Variants in RARS2 observed in about 807,000 individuals in gnomAD.
The protein encoded by RARS2 is arginyl-tRNA synthetase 2, mitochondrial.
RARS2 carries 67 observed loss-of-function variants against 88.5 expected under a neutral mutation model. That is an observed-to-expected ratio of 0.76 (90% CI 0.62 to 0.93). RARS2 has a LOEUF of 0.93. Among genes scored for constraint, RARS2 ranks in the 40% least tolerant of loss-of-function variants. The pLI, the probability that RARS2 is intolerant of heterozygous loss-of-function variation, is 0.00. For synonymous variants in RARS2, 239 were observed against 230.3 expected, an observed-to-expected ratio of 1.04 and a Z score of -0.34; for missense variants, 664 against 684.2, an observed-to-expected ratio of 0.97 and a Z score of 0.33.
rs1479190877 is a variant in RARS2, at chr6:87,564,129, C to T, written c.213+1G>A. ...AAAAAGAGATAATAGTGCTAACGTA[C>T]CTTCTCTGCTAGTCTCTTGGCTTGA... is the stretch of plus-strand genomic sequence containing the variant. On this transcript the variant is annotated splice_donor_variant, in intron 3 of 19. Transcript: ENST00000369536. LOFTEE classifies it high-confidence loss of function. The T allele has an allele frequency of 6.3e-7, 1 of 1,595,874 alleles. No homozygotes were observed. Among genetic ancestry groups the T allele is most frequent in the Non-Finnish European group, 8.6e-7 (1 of 1,163,570 alleles).
rs181611913 is a variant in RARS2, at chr6:87,573,988, T to C, written c.37-4398A>G. On this transcript the variant is annotated intron_variant, in intron 1 of 19. Coordinates refer to ENST00000369536, the MANE Select transcript of RARS2 (RefSeq NM_020320.5). The stretch of plus-strand genomic sequence containing the variant: ...TCATGTATCAGAAGTCAGAGATGAA[T>C]TAACAATTCTCATTAACACCCCAAA... Among the ~76,000 whole-genome samples the C allele has an allele frequency of 6.6e-4, 100 of 152,302 alleles. 1 individual carries two copies. The highest frequency in any genetic ancestry group is 2.4e-3 in the African/African-American group (99 of 41,568).
chr6:87,557,321 G>A (rs1482289394), intron 4 of RARS2, among the ~76,000 whole-genome samples: 1 of 152,170 alleles, frequency 6.6e-6, no homozygotes, highest in Non-Finnish European at 1.5e-5. Context: ...ACAGAATAGT[G>A]TCTGTCGTAA....
chr6:87,545,477 C>T, intron 7 of RARS2, 139 bp downstream of exon 7: 2 of 997,426 alleles, frequency 2.0e-6, no homozygotes, highest in South Asian at 1.6e-5. Context: ...TGCAAAAGAG[C>T]CATTAGGGAA....
intron 1 of RARS2, among the ~76,000 whole-genome samples, chr6:87,587,367 C>T (rs996126862): frequency 2.6e-5 from 4 of 152,126 alleles, no homozygotes; most frequent in Non-Finnish European, 5.9e-5. Flanking sequence ...GCTCTTTTTT[C>T]CCCATGTCCT....
chr6:87,589,860 G>T (rs565732833), intron 1 of RARS2, 62 bp downstream of exon 1: 1 of 1,614,038 alleles, frequency 6.2e-7, no homozygotes, highest in East Asian at 2.2e-5. Context: ...GCCCGCAGCG[G>T]TGAAAGGCCT....
intron 8 of RARS2, among the ~76,000 whole-genome samples, 179 bp from the exon 9 acceptor site, chr6:87,531,121 C>T (rs1300840944): frequency 1.3e-5 from 2 of 152,032 alleles, no homozygotes; most frequent in Non-Finnish European, 2.9e-5. Flanking sequence ...CATATAGACC[C>T]CTTCTCAAAA....
At chr6:87,570,272 C>T (rs886623212) in intron 1 of RARS2, among the ~76,000 whole-genome samples, 1 of 151,936 alleles carries the variant, frequency 6.6e-6, no homozygotes, top group Non-Finnish European at 1.5e-5. Context: ...CCCCAAAGTA[C>T]TGGGATTATA....
At chr6:87,519,023 T>A in intron 14 of RARS2, 132 bp from the exon 15 acceptor site, 1 of 875,356 alleles carries the variant, frequency 1.1e-6, no homozygotes, top group Non-Finnish European at 1.9e-6. Context: ...ATTACTTGCC[T>A]AATTTAGGCT....
At chr6:87,538,662 T>G (rs1320333592) in intron 8 of RARS2, among the ~76,000 whole-genome samples, 1 of 152,090 alleles carries the variant, frequency 6.6e-6, no homozygotes, top group African/African-American at 2.4e-5. Flanking sequence ...TTTGGGAGGC[T>G]GAGGTGGGAG....
intron 7 of RARS2, among the ~76,000 whole-genome samples, chr6:87,542,751 A>T (rs1423311220): frequency 6.6e-6 from 1 of 150,550 alleles, no homozygotes; most frequent in Non-Finnish European, 1.5e-5. Flanking sequence ...GACTCAAGAT[A>T]TTCTGCATAA....
intron 1 of RARS2, among the ~76,000 whole-genome samples, chr6:87,572,097 GAAA>G (rs11327593): frequency 3.5e-5 from 5 of 142,952 alleles, no homozygotes; most frequent in Admixed American, 1.4e-4. Context: ...TAATTTCTCA[GAAA>G]AAAAAAAAAA....
intron 11 of RARS2, among the ~76,000 whole-genome samples, chr6:87,523,059 A>G (rs1313671283): frequency 2.6e-5 from 4 of 152,224 alleles, no homozygotes; most frequent in Non-Finnish European, 5.9e-5. Context: ...ATAATTTTTA[A>G]AATGTTGAGA....
chr6:87,529,485 T>A, intron 10 of RARS2, 57 bp downstream of exon 10: 1 of 1,109,752 alleles, frequency 9.0e-7, no homozygotes, highest in Non-Finnish European at 1.4e-6. Context: ...AAAGGATACA[T>A]CAATAACAAT....
intron 1 of RARS2, among the ~76,000 whole-genome samples, chr6:87,576,983 TAAAG>T (rs1054672437): frequency 6.6e-6 from 1 of 152,222 alleles, no homozygotes; most frequent in Non-Finnish European, 1.5e-5. Flanking sequence ...ATTCATTCGA[TAAAG>T]AAGTTGCAAA....
chr6:87,557,973 C>T (rs1306613756), intron 4 of RARS2, among the ~76,000 whole-genome samples: 1 of 152,068 alleles, frequency 6.6e-6, no homozygotes, highest in Non-Finnish European at 1.5e-5. Context: ...GACAGGAGTT[C>T]AAGACCAGCC....
chr6:87,541,383 C>T (rs1054518302), intron 8 of RARS2, among the ~76,000 whole-genome samples: 1 of 152,294 alleles, frequency 6.6e-6, no homozygotes, highest in South Asian at 2.1e-4. Context: ...CATTATGTTG[C>T]CCAAACTGGT....
intron 1 of RARS2, among the ~76,000 whole-genome samples, chr6:87,579,527 C>T (rs1256103930): frequency 2.0e-5 from 3 of 151,970 alleles, no homozygotes; most frequent in Non-Finnish European, 4.4e-5. Flanking sequence ...TCAGGTGATT[C>T]AAGTCTGCAG....
In RARS2 at chr6:87,580,246, T is replaced by A. The variant is rs150211242; in HGVS notation, c.36+9676A>T. ...CCTGGCATTGGGCTTCATCTAGGAC[T>A]AGCACAAGCGAAAAGAAGGTCTACT... On this transcript the variant is annotated intron_variant, in intron 1 of 19. Transcript: ENST00000369536. 1.9e-3 allele frequency among the ~76,000 whole-genome samples: 285 copies of A among 152,244 alleles called. 2 individuals carry two copies. In the East Asian group the frequency reaches 0.02, roughly 11 times the overall value.
chr6:87,558,522 A>G (rs1329448038), intron 4 of RARS2, among the ~76,000 whole-genome samples: 5 of 152,220 alleles, frequency 3.3e-5, no homozygotes, highest in Admixed American at 3.3e-4. Context: ...CAACACCTAC[A>G]GTAATGCACC....
Sources: allele counts gnomAD v4.1 joint callset (sites outside exome capture counted in the v4.1 genomes callset), GRCh38; gene constraint gnomAD v4.1.1; transcripts MANE v1.5; gene names NCBI Gene and HGNC (gene_info 2026-07-23, HGNC 2026-07-21).